Variants in PDE4D observed in about 807,000 individuals in gnomAD.
PDE4D encodes phosphodiesterase 4D.
A neutral mutation model predicts 87.4 loss-of-function variants in PDE4D; 24 were observed. The observed-to-expected ratio is 0.27, with a 90% CI of 0.20 to 0.39. The LOEUF is 0.39. PDE4D is among the 10% of genes least tolerant of loss of function. The pLI is 1.00. For missense variants in PDE4D, 714 were observed against 1,041.0 expected (o/e 0.69, Z 4.32); for synonymous variants, 384 against 383.2 (o/e 1.00, Z -0.02).
rs1330284697 is a variant in PDE4D at position 60,155,783 on chromosome 5, ACTTCTAAAGGTCTAAAAAACAGTCCAAG to A, written c.42+29746_42+29773del. ...GCTCATATAATTTCAGAGGCCTTCG[ACTTCTAAAGGTCTAAAAAACAGTCCAAG>A]AATTAAGGTGTGTTCTTGAACCTAT... On this transcript the variant is annotated intron_variant, in intron 2 of 16. Transcript: ENST00000502484. Among the ~76,000 whole-genome samples the A allele has an allele frequency of 2.0e-5, 3 of 147,624 alleles. No individual in the cohort carries two copies. The East Asian group carries it at 5.8e-4, about 29-fold the overall frequency.
chr5:59,348,031 C>T (rs1242457631), intron 1 of PDE4D, among the ~76,000 whole-genome samples: 1 of 152,068 alleles, frequency 6.6e-6, no homozygotes, highest in Admixed American at 6.6e-5. Context: ...TATTTTCTGT[C>T]TTTCTCTACC....
intron 6 of PDE4D, among the ~76,000 whole-genome samples, chr5:59,008,175 T>C (rs1752025869): frequency 6.6e-6 from 1 of 152,026 alleles, no homozygotes; most frequent in Non-Finnish European, 1.5e-5. Flanking sequence ...AAACTTCACA[T>C]AAATGAAGCC....
intron 3 of PDE4D, among the ~76,000 whole-genome samples, chr5:59,931,658 G>A (rs973518453): frequency 1.3e-5 from 2 of 149,282 alleles, no homozygotes; most frequent in Admixed American, 6.7e-5. Flanking sequence ...CCTCTTAAAG[G>A]TCTCACTTCT....
At chr5:60,053,909 T>C (rs1770488476) in intron 2 of PDE4D, among the ~76,000 whole-genome samples, 1 of 152,200 alleles carries the variant, frequency 6.6e-6, no homozygotes, top group Non-Finnish European at 1.5e-5. Context: ...AGAAGACTTT[T>C]ATGCGGCCAA....
At chr5:60,338,717 G>A (rs4699954) in intron 1 of PDE4D, among the ~76,000 whole-genome samples, 31,309 of 151,900 alleles carry the variant, frequency 0.21, 3,466 homozygotes, top group South Asian at 0.38. Flanking sequence ...GTGCAGGAGT[G>A]GGGATGCTGG....
intron 2 of PDE4D, among the ~76,000 whole-genome samples, chr5:60,029,108 T>C (rs1212111829): frequency 6.6e-6 from 1 of 152,236 alleles, no homozygotes; most frequent in African/African-American, 2.4e-5. Context: ...CTTGTATAAA[T>C]GTATGGGGTA....
intron 1 of PDE4D, among the ~76,000 whole-genome samples, chr5:60,231,572 C>T (rs1015976604): frequency 6.6e-6 from 1 of 151,840 alleles, no homozygotes; most frequent in Non-Finnish European, 1.5e-5. Context: ...CACTTGCAAC[C>T]AGTATGTCCA....
At chr5:60,205,276 C>A (rs1408199944) in intron 1 of PDE4D, among the ~76,000 whole-genome samples, 3 of 152,176 alleles carry the variant, frequency 2.0e-5, no homozygotes, top group African/African-American at 7.2e-5. Flanking sequence ...ACCTGTGAGA[C>A]TTTGCAGGAC....
chr5:60,337,311 C>G (rs1583459236), intron 1 of PDE4D, among the ~76,000 whole-genome samples: 1 of 136,700 alleles, frequency 7.3e-6, no homozygotes, highest in East Asian at 2.1e-4. Context: ...CAAGCCTGGG[C>G]AACAGAGAGA....
chr5:60,353,708 T>C (rs891516152), intron 1 of PDE4D, among the ~76,000 whole-genome samples: 8 of 152,186 alleles, frequency 5.3e-5, no homozygotes, highest in African/African-American at 1.9e-4. Context: ...GAATGGATGT[T>C]GAGAGATAAT....
intron 3 of PDE4D, among the ~76,000 whole-genome samples, chr5:59,981,849 T>C (rs533631069): frequency 6.6e-6 from 1 of 152,332 alleles, no homozygotes; most frequent in Non-Finnish European, 1.5e-5. Flanking sequence ...CTTCTGTTTT[T>C]CCTTTTTTAT....
intron 1 of PDE4D, among the ~76,000 whole-genome samples, chr5:60,460,968 C>A (rs1255211953): frequency 6.6e-6 from 1 of 151,680 alleles, no homozygotes; most frequent in Non-Finnish European, 1.5e-5. Flanking sequence ...GCTGTTTGGA[C>A]CCCCCAAGGA....
Position 59,440,777 on chromosome 5 carries a change from GA to G in PDE4D, c.456-224810del, listed in dbSNP as rs921404634. ...GGCAACAAATGCGAAACTCCATCTT[GA>G]AAAAAAAAATTTTCATGTAACAGAT... On this transcript the variant is annotated intron_variant, in intron 1 of 14. Transcript: ENST00000340635. Among the ~76,000 whole-genome samples, 868 of 149,932 alleles carry G rather than the reference GA, an allele frequency of 5.8e-3. 15 individuals carry two copies. The highest frequency in any genetic ancestry group is 0.02 in the African/African-American group (826 of 40,894).
chr5:60,086,221 T>G (rs1303378925), intron 2 of PDE4D, among the ~76,000 whole-genome samples: 1 of 152,214 alleles, frequency 6.6e-6, no homozygotes, highest in Non-Finnish European at 1.5e-5. Context: ...GTTGAGCTTT[T>G]CAAATACTTT....
intron 5 of PDE4D, among the ~76,000 whole-genome samples, chr5:59,066,342 A>G (rs904263289): frequency 2.0e-5 from 3 of 152,068 alleles, no homozygotes; most frequent in African/African-American, 2.4e-5. Context: ...CAAAAGGAGG[A>G]GCTATTAGGG....
At chr5:59,850,864 T>C (rs1031805763) in intron 1 of PDE4D, among the ~76,000 whole-genome samples, 1 of 152,042 alleles carries the variant, frequency 6.6e-6, no homozygotes, top group Admixed American at 6.6e-5. Flanking sequence ...AATGGAAATA[T>C]TCCAGAAATC....
At chr5:59,624,163 C>G (rs893295683) in intron 1 of PDE4D, among the ~76,000 whole-genome samples, 3 of 152,164 alleles carry the variant, frequency 2.0e-5, no homozygotes, top group African/African-American at 7.2e-5. Flanking sequence ...AAGATTTTCA[C>G]TTTCCAGACT....
At chr5:60,249,629 A>G (rs1748200171) in intron 1 of PDE4D, among the ~76,000 whole-genome samples, 1 of 152,072 alleles carries the variant, frequency 6.6e-6, no homozygotes, top group African/African-American at 2.4e-5. Context: ...GTGAGTTTAC[A>G]TTGGGTCACA....
At chr5:60,057,058 A>G (rs1457488839) in intron 2 of PDE4D, among the ~76,000 whole-genome samples, 5 of 152,086 alleles carry the variant, frequency 3.3e-5, no homozygotes, top group Non-Finnish European at 7.4e-5. Flanking sequence ...TTTAAATCCT[A>G]CATTAAGGCA....
Sources: gnomAD v4.1 joint callset for allele counts (sites outside exome capture counted in the v4.1 genomes callset) on GRCh38, gnomAD v4.1.1 for gene constraint, MANE v1.5 for transcripts, NCBI Gene and HGNC (gene_info 2026-07-23, HGNC 2026-07-21) for gene names.